Variants in TRAPPC3L observed in about 807,000 individuals in gnomAD.
TRAPPC3L encodes trafficking protein particle complex subunit 3-like protein.
A neutral mutation model predicts 23.7 loss-of-function variants in TRAPPC3L; 23 were observed. That is an observed-to-expected ratio of 0.97 (90% confidence interval 0.70 to 1.37). The LOEUF (loss-of-function observed/expected upper bound fraction) is 1.37. TRAPPC3L is among the 40% of genes most tolerant of loss of function. TRAPPC3L has a pLI of 0.00. For missense variants in TRAPPC3L, 212 were observed against 216.8 expected (o/e 0.98, Z 0.14); for synonymous variants, 81 against 77.9 (o/e 1.04, Z -0.21).
intron 3 of TRAPPC3L, among the ~76,000 whole-genome samples, chr6:116,535,820 G>A (rs909181004): frequency 4.6e-5 from 7 of 152,086 alleles, no homozygotes; most frequent in Non-Finnish European, 8.8e-5. Flanking sequence ...ATTAGTTTGT[G>A]GAAAAAACAC....
chr6:116,496,907 TA>T lies in TRAPPC3L; in HGVS notation c.*46del. On this transcript the variant is annotated 3_prime_UTR_variant, in exon 5 of 5. Transcript: ENST00000368602. ...ATTTCTATGTCTATACATGTTTAGCTAACATTAACTCAGCTAGCCGCCCCGT... is the reference window on the plus strand; with the variant it reads ...ATTTCTATGTCTATACATGTTTAGCTACATTAACTCAGCTAGCCGCCCCGT... 6.6e-7 allele frequency: 1 copy of T among 1,520,204 alleles called. No homozygotes were observed. Among genetic ancestry groups the T allele is most frequent in the South Asian group, 1.3e-5 (1 of 78,374 alleles). 94.2% of individuals were successfully genotyped at this position (1,520,204 alleles called of 1,614,324 possible).
chr6:116,498,584 C>A (rs1771866808), intron 4 of TRAPPC3L, among the ~76,000 whole-genome samples: 1 of 152,200 alleles, frequency 6.6e-6, no homozygotes, highest in Admixed American at 6.5e-5. Context: ...TTGACTGTTA[C>A]CTCTTCTTAA....
intron 3 of TRAPPC3L, among the ~76,000 whole-genome samples, chr6:116,530,474 G>C (rs1039230324): frequency 2.0e-4 from 31 of 152,130 alleles, no homozygotes; most frequent in African/African-American, 7.2e-4. Flanking sequence ...TTTTGTAATT[G>C]GTTCCTTTAT....
intron 3 of TRAPPC3L, among the ~76,000 whole-genome samples, chr6:116,534,251 C>T (rs1337241784): frequency 6.6e-6 from 1 of 152,140 alleles, no homozygotes; most frequent in East Asian, 1.9e-4. Flanking sequence ...CTGTGGGACT[C>T]CCCTCTGAAA....
intron 2 of TRAPPC3L, 99 bp downstream of exon 2, chr6:116,543,204 G>T: frequency 1.2e-6 from 1 of 820,056 alleles, no homozygotes; most frequent in Non-Finnish European, 1.9e-6. Context: ...CAGAAGAACA[G>T]CTGGTGAAAT....
intron 3 of TRAPPC3L, chr6:116,511,759 C>T (rs751327907): frequency 3.1e-6 from 5 of 1,614,054 alleles, no homozygotes; most frequent in Non-Finnish European, 4.2e-6. Flanking sequence ...TTGGCTACAG[C>T]TTCATGGCTC....
chr6:116,510,649 C>T (rs1398584959), intron 3 of TRAPPC3L, among the ~76,000 whole-genome samples: 2 of 151,654 alleles, frequency 1.3e-5, no homozygotes, highest in African/African-American at 4.9e-5. Context: ...TCCAGCAATC[C>T]CACTACTGGG....
chr6:116,514,998 A>G (rs1301733815), intron 3 of TRAPPC3L, among the ~76,000 whole-genome samples: 3 of 152,240 alleles, frequency 2.0e-5, no homozygotes, highest in Non-Finnish European at 4.4e-5. Flanking sequence ...TTTCATATTC[A>G]GGAAAGAGTT....
chr6:116,539,645 C>G (rs1773308643), intron 3 of TRAPPC3L, among the ~76,000 whole-genome samples: 1 of 152,006 alleles, frequency 6.6e-6, no homozygotes, highest in African/African-American at 2.4e-5. Flanking sequence ...GCCATTCATG[C>G]ACAGAGTCAG....
chr6:116,519,560 C>T (rs1315054156), intron 3 of TRAPPC3L: 2 of 152,228 alleles, frequency 1.3e-5, no homozygotes, highest in Admixed American at 6.5e-5. Context: ...CCATAACAGT[C>T]TCTTCTAGGT....
At chr6:116,539,620 T>A (rs9400931) in intron 3 of TRAPPC3L, among the ~76,000 whole-genome samples, 1 of 151,934 alleles carries the variant, frequency 6.6e-6, no homozygotes, top group South Asian at 2.1e-4. Flanking sequence ...GAAAGCATGA[T>A]GGTATAGAAT....
chr6:116,500,790 G>A, intron 3 of TRAPPC3L, 124 bp from the exon 4 acceptor site: 1 of 819,740 alleles, frequency 1.2e-6, no homozygotes, highest in Non-Finnish European at 1.9e-6. Flanking sequence ...CTATAGTCAG[G>A]AAGTCCGGCT....
intron 3 of TRAPPC3L, chr6:116,520,646 T>C (rs527554609): frequency 2.6e-5 from 4 of 152,326 alleles, no homozygotes; most frequent in South Asian, 2.1e-4. Flanking sequence ...GGCCTGAACA[T>C]TGAGATTTCT....
chr6:116,542,926 T>G (rs184391034), intron 2 of TRAPPC3L, among the ~76,000 whole-genome samples: 2 of 152,114 alleles, frequency 1.3e-5, no homozygotes, highest in African/African-American at 4.8e-5. Context: ...CATATATTTA[T>G]ATTGGAAGCA....
chr6:116,497,424 A>C (rs1771848492), intron 4 of TRAPPC3L, among the ~76,000 whole-genome samples: 1 of 152,234 alleles, frequency 6.6e-6, no homozygotes, highest in African/African-American at 2.4e-5. Flanking sequence ...CTTAGCCAGC[A>C]GAATTTCCAA....
chr6:116,498,989 A>G (rs150650773), intron 4 of TRAPPC3L, among the ~76,000 whole-genome samples: 306 of 152,216 alleles, frequency 2.0e-3, no homozygotes, highest in African/African-American at 6.6e-3. Flanking sequence ...TCTCTCTGTG[A>G]TCTCCAGACA....
chr6:116,499,139 T>C (rs1272231764), intron 4 of TRAPPC3L, among the ~76,000 whole-genome samples: 1 of 152,238 alleles, frequency 6.6e-6, no homozygotes, highest in Non-Finnish European at 1.5e-5. Flanking sequence ...CTTGGTTTAA[T>C]AGTACAACCA....
chr6:116,544,571 C>T (rs1035110255), intron 1 of TRAPPC3L, among the ~76,000 whole-genome samples: 11 of 152,074 alleles, frequency 7.2e-5, no homozygotes, highest in Admixed American at 5.2e-4. Flanking sequence ...GAAAGAACAT[C>T]ATTAACTATT....
At chr6:116,516,237 T>C (rs1772222349) in intron 3 of TRAPPC3L, 1 of 373,074 alleles carries the variant, frequency 2.7e-6, no homozygotes, top group East Asian at 4.1e-5. Context: ...TAAATGTTGC[T>C]CCAAGATCTA....
Sources: gnomAD v4.1 joint callset for allele counts (sites outside exome capture counted in the v4.1 genomes callset) on GRCh38, gnomAD v4.1.1 for gene constraint, MANE v1.5 for transcripts, NCBI Gene and HGNC (gene_info 2026-07-23, HGNC 2026-07-21) for gene names.